RBM23: variants seen among roughly 807,000 people sequenced by gnomAD.
RBM23 encodes probable RNA-binding protein 23.
Under a neutral mutation model 56.2 loss-of-function variants are expected in RBM23, and 53 were observed. The ratio of observed to expected loss-of-function variants is 0.94; its 90% CI spans 0.76 to 1.19. The LOEUF is 1.19. Ranked by LOEUF, RBM23 falls within the 50% of genes most tolerant of loss-of-function variation. The probability of loss-of-function intolerance (pLI) is 0.00; values close to 1 mark genes in which losing one functional copy is unlikely to be tolerated. For missense variants in RBM23, 642 were observed against 590.3 expected, an observed-to-expected ratio of 1.09 and a Z score of -0.91; for synonymous variants, 197 against 198.5, an observed-to-expected ratio of 0.99 and a Z score of 0.06.
chr14:22,904,748 C>A, intron 9 of RBM23, 127 bp downstream of exon 9: 1 of 1,372,224 alleles, frequency 7.3e-7, no homozygotes. Context: ...ACAGCATAGA[C>A]TCATATGCCC....
intron 1 of RBM23, among the ~76,000 whole-genome samples, chr14:22,912,442 C>A (rs987441864): frequency 2.0e-5 from 3 of 152,140 alleles, no homozygotes; most frequent in Non-Finnish European, 4.4e-5. Context: ...CTCTGGCAGG[C>A]AAGGTAAAAC....
At position 22,898,941 on chromosome 14, in the gene RBM23, A is replaced by G. The variant is rs991995350; in HGVS notation, c.*2789T>C. 1 of 152,104 alleles carries G rather than the reference A, an allele frequency of 6.6e-6. No individual in the cohort carries two copies. Among genetic ancestry groups the G allele is most frequent in the Non-Finnish European group, 1.5e-5 (1 of 68,038 alleles). The allele number at this position is 152,104 out of a possible 1,614,324, so 9.4% of individuals were successfully genotyped here. A position where few individuals can be genotyped will look rare whatever the true frequency, so the allele number is the denominator to read the frequency against. The stretch of plus-strand genomic sequence containing the variant: ...TGCTGGGTCATAGCCAGCAGCTTCT[A>G]CCTAAAAATAGTGCATCCTCCTTCC... On this transcript the variant is annotated 3_prime_UTR_variant, in exon 14 of 14. Transcript: ENST00000359890.
chr14:22,910,033 G>C (rs2139033629), intron 2 of RBM23, among the ~76,000 whole-genome samples: 1 of 151,312 alleles, frequency 6.6e-6, no homozygotes, highest in South Asian at 2.1e-4. Flanking sequence ...CACGCCTGTA[G>C]TCCCAGCTAC....
chr14:22,903,813 T>A (rs1302593495), intron 10 of RBM23: 7 of 1,101,970 alleles, frequency 6.4e-6, no homozygotes, highest in Non-Finnish European at 7.8e-6. Context: ...TAGTGCTACG[T>A]TAATAACTGA....
At chr14:22,908,203 T>C in intron 4 of RBM23, 130 bp downstream of exon 4, 1 of 980,580 alleles carries the variant, frequency 1.0e-6, no homozygotes, top group Non-Finnish European at 1.5e-6. Context: ...AAATTTTTTG[T>C]AGAGACAGGA....
Position 22,897,058 on chromosome 14 carries a change from C to A in RBM23, c.*4672G>T, listed in dbSNP as rs1462101709. 1 of 152,192 alleles carries A rather than the reference C, an allele frequency of 6.6e-6. No individual in the cohort carries two copies. The highest frequency in any genetic ancestry group is 1.9e-4 in the East Asian group (1 of 5,206). 9.4% of individuals were successfully genotyped at this position (152,192 alleles called of 1,614,324 possible). A position where few individuals can be genotyped will look rare whatever the true frequency, so the allele number is the denominator to read the frequency against. On this transcript the variant is annotated 3_prime_UTR_variant, in exon 14 of 14. Coordinates refer to ENST00000359890, the MANE Select transcript of RBM23 (RefSeq NM_001077351.2). ...AACATCAGAAAGAGTAAAGCTGCAT[C>A]TTCTCTCCTGGTGGAGTGAGGAAGG...
At position 22,894,540 on chromosome 14, in the gene RBM23, C is replaced by T. The variant is rs962248343; in HGVS notation, c.*7190G>A. 1 of 151,400 alleles carries T rather than the reference C, an allele frequency of 6.6e-6. No homozygotes were observed. The highest frequency in any genetic ancestry group is 2.4e-5 in the African/African-American group (1 of 41,178). 9.4% of individuals were successfully genotyped at this position (151,400 alleles called of 1,614,324 possible). On this transcript the variant is annotated 3_prime_UTR_variant, in exon 14 of 14. Transcript: ENST00000359890. ...GACCAGCCTGGCCAACATGGTGAAA[C>T]CCTATTTCTACTAAAAAAAATTACA...
chr14:22,905,186 C>T lies in RBM23; in HGVS notation c.634G>A (p.Val212Met), dbSNP rs1464187384. 8 of 1,614,148 alleles carry T rather than the reference C, an allele frequency of 5.0e-6. No individual in the cohort carries two copies. Among genetic ancestry groups the T allele is most frequent in the Non-Finnish European group, 5.9e-6 (7 of 1,180,014 alleles). Reference sequence around the variant, plus strand: ...ACAGACTGGATTTCACAGAATTCCACGTAGGCAATGCCCTTAGAACGACGT... The same window carrying T: ...ACAGACTGGATTTCACAGAATTCCATGTAGGCAATGCCCTTAGAACGACGT... Reference protein sequence around the residue: ...NSRRSKGIAYVEFCEIQSVPL... With the variant: ...NSRRSKGIAYMEFCEIQSVPL... The change falls in exon 8 of 14, where the codon GTG (valine) becomes ATG (methionine). Residue 212 changes from valine to methionine, a missense_variant. By Grantham distance (21) the Val-to-Met change is conservative (BLOSUM62 1). Transcript: ENST00000359890.
intron 10 of RBM23, chr14:22,902,603 A>C: frequency 7.8e-7 from 1 of 1,277,696 alleles, no homozygotes. Context: ...TCAATCTTTC[A>C]GCTCCATTAA....
rs188650880 is a variant in RBM23, at chr14:22,902,572, G to A, written c.931-190C>T. The A allele has an allele frequency of 1.6e-4, 202 of 1,300,288 alleles. No individual in the cohort carries two copies. In the Middle Eastern group the frequency reaches 2.0e-3, roughly 13 times the overall value. The allele number at this position is 1,300,288 out of a possible 1,614,324, so 80.5% of individuals were successfully genotyped here. A position where few individuals can be genotyped will look rare whatever the true frequency, so the allele number is the denominator to read the frequency against. On this transcript the variant is annotated intron_variant, in intron 10 of 13. Coordinates refer to ENST00000359890, the MANE Select transcript of RBM23 (RefSeq NM_001077351.2). ...TTCTCTGAAAAGGACCTTTTCCAAT[G>A]GACTCAATGGCAGTCACTTTTCAAT...
intron 4 of RBM23, among the ~76,000 whole-genome samples, chr14:22,907,378 A>C (rs138425475): frequency 1.3e-5 from 2 of 152,194 alleles, no homozygotes; most frequent in African/African-American, 4.8e-5. Context: ...AGTGTTCAAC[A>C]AATCAGTAGG....
chr14:22,916,628 T>C (rs979495840), intron 1 of RBM23, among the ~76,000 whole-genome samples: 1 of 151,752 alleles, frequency 6.6e-6, no homozygotes, highest in African/African-American at 2.4e-5. Context: ...TTATATCAGA[T>C]TACTTCTCAT....
Position 22,904,324 on chromosome 14 carries a change from A to G in RBM23, c.867T>C (p.Ile289=). 1 of 1,605,734 alleles carries G rather than the reference A, an allele frequency of 6.2e-7. No individual in the cohort carries two copies. Residue 289 remains isoleucine (I), a splice_region_variant and synonymous_variant, in exon 10 of 14, where the codon ATT becomes ATC. Transcript: ENST00000359890. ...AGTCCTTCATCAGGACAATATTATCAATCTGTAGAAGAGTGAGAAATTATC... is the reference window on the plus strand; with the variant it reads ...AGTCCTTCATCAGGACAATATTATCGATCTGTAGAAGAGTGAGAAATTATC... ...LRGIFEPFGK[I]DNIVLMKDSD... is the part of the protein sequence containing the mutation.
Position 22,901,873 on chromosome 14 carries a change from T to C in RBM23, c.1257A>G (p.Pro419=), listed in dbSNP as rs768375167. 3 of 1,614,168 alleles carry C rather than the reference T, an allele frequency of 1.9e-6. No homozygotes were observed. Among genetic ancestry groups the C allele is most frequent in the Non-Finnish European group, 2.5e-6 (3 of 1,180,000 alleles). ...AACACTGGGAGGCAAGGTTCAGGGC[T>C]GGACTCAGAGCTAGAACAAAGACAG... is the stretch of plus-strand genomic sequence containing the variant. ...LNPAALTALS[P]ALNLASQCFQ... The change falls in exon 13 of 14, where the codon CCA becomes CCG. Residue 419 remains proline, a synonymous_variant. Transcript: ENST00000359890.
intron 10 of RBM23, 124 bp from the exon 11 acceptor site, chr14:22,902,506 T>C (rs1383368173): frequency 1.4e-6 from 2 of 1,429,110 alleles, no homozygotes; most frequent in Middle Eastern, 1.9e-4. Flanking sequence ...CAAACTTTTC[T>C]TTCCCAGAAA....
In RBM23 at chr14:22,904,311, G is replaced by T. The variant is rs773628959; in HGVS notation, c.880C>A (p.Leu294Met). Reference sequence around the variant, plus strand: ...CGGCCTGTATCTGAGTCCTTCATCAGGACAATATTATCAATCTGTAGAAGA... The same window carrying T: ...CGGCCTGTATCTGAGTCCTTCATCATGACAATATTATCAATCTGTAGAAGA... Reference protein sequence around the residue: ...EPFGKIDNIVLMKDSDTGRSK... With the variant: ...EPFGKIDNIVMMKDSDTGRSK... The change falls in exon 10 of 14, where the codon CTG becomes ATG. Residue 294 changes from leucine to methionine, a missense_variant. Physicochemically the swap from Leu to Met is conservative, Grantham distance 15. Transcript: ENST00000359890. 1 of 1,609,160 alleles carries T rather than the reference G, an allele frequency of 6.2e-7. No homozygotes were observed. Among genetic ancestry groups the T allele is most frequent in the South Asian group, 1.1e-5 (1 of 90,964 alleles).
In RBM23 at chr14:22,898,669, A is replaced by G. The variant is rs1411362534; in HGVS notation, c.*3061T>C. 1.3e-5 allele frequency: 2 copies of G among 152,044 alleles called. No homozygotes were observed. Among genetic ancestry groups the G allele is most frequent in the African/African-American group, 4.8e-5 (2 of 41,480 alleles). The allele number at this position is 152,044 out of a possible 1,614,324, so 9.4% of individuals were successfully genotyped here. On this transcript the variant is annotated 3_prime_UTR_variant, in exon 14 of 14. Transcript: ENST00000359890. ...CTCCCAGCAAGAGGCTATGTGAGGA[A>G]CTAAGAACAAGAAAGAACTGAGGTG... is the stretch of plus-strand genomic sequence containing the variant.
rs1416635005 is a variant in RBM23, at chr14:22,905,489, A to G, written c.456-36T>C. The G allele has an allele frequency of 1.9e-6, 3 of 1,607,652 alleles. No homozygotes were observed. In the Admixed American group the frequency reaches 5.0e-5, roughly 27 times the overall value. ...AAATGTGTTGAGACCAGCCCTCCCA[A>G]TACCTGGTCATTGTTCTCCAGCTAA... On this transcript the variant is annotated intron_variant, in intron 6 of 13. Coordinates refer to ENST00000359890, the MANE Select transcript of RBM23 (RefSeq NM_001077351.2).
Position 22,906,233 on chromosome 14 carries a change from C to T in RBM23, c.363G>A (p.Glu121=), listed in dbSNP as rs897746595. The part of the protein sequence containing the change: ...SESRSRDHRR[E]DRVHYRSPPL... ...GAGGACTCCTGTAATGCACACGATC[C>T]TCACGACGATGGTCCCGACTTCGCG... Residue 121 remains glutamate, a synonymous_variant, in exon 5 of 14, where the codon GAG becomes GAA. Transcript: ENST00000359890. The T allele has an allele frequency of 6.2e-7, 1 of 1,614,116 alleles. No individual in the cohort carries two copies. Among genetic ancestry groups the T allele is most frequent in the Non-Finnish European group, 8.5e-7 (1 of 1,180,056 alleles).
Sources: allele counts gnomAD v4.1 joint callset (sites outside exome capture counted in the v4.1 genomes callset), GRCh38; gene constraint gnomAD v4.1.1; transcripts MANE v1.5; gene names NCBI Gene and HGNC (gene_info 2026-07-23, HGNC 2026-07-21).